Variants in KLRG1 observed in about 807,000 individuals in gnomAD.
The protein encoded by KLRG1 is killer cell lectin like receptor G1, also known as killer cell lectin-like receptor subfamily G member 1.
In KLRG1, 16 loss-of-function variants were observed where a neutral mutation model predicts 21.8. The observed-to-expected ratio is 0.73, with a 90% CI of 0.50 to 1.11. The LOEUF is 1.11. Ranked by LOEUF, KLRG1 falls within the 50% of genes most tolerant of loss-of-function variation. The probability of loss-of-function intolerance (pLI) is 0.00; values close to 1 mark genes in which losing one functional copy is unlikely to be tolerated. For missense variants in KLRG1, 173 were observed against 218.3 expected, an observed-to-expected ratio of 0.79 and a Z score of 1.31; for synonymous variants, 69 against 75.9, an observed-to-expected ratio of 0.91 and a Z score of 0.47.
chr12:9,208,258 C>T, the KLRG1 span: 105 of 1,610,936 alleles, frequency 6.5e-5, no homozygotes, highest in African/African-American at 8.7e-4. Context: ...GTGAGACTTA[C>T]GGTTCTGTAG....
At chr12:8,971,925 T>C (rs1401231487) in intron 1 of KLRG1, among the ~76,000 whole-genome samples, 1 of 152,238 alleles carries the variant, frequency 6.6e-6, no homozygotes, top group Non-Finnish European at 1.5e-5. Context: ...AGATATATGG[T>C]TTACAAATAT....
the KLRG1 span, among the ~76,000 whole-genome samples, chr12:9,070,016 A>T: frequency 6.6e-6 from 1 of 152,232 alleles, no homozygotes; most frequent in African/African-American, 2.4e-5. Flanking sequence ...TAATGTGTAA[A>T]GTTATTTATC....
the KLRG1 span, chr12:9,127,880 C>G: frequency 3.5e-6 from 1 of 284,134 alleles, no homozygotes; most frequent in Non-Finnish European, 7.1e-6. Flanking sequence ...GCAATTACAG[C>G]CACTACTTCA....
the KLRG1 span, chr12:9,167,650 A>T: frequency 2.6e-5 from 4 of 152,162 alleles, no homozygotes; most frequent in African/African-American, 9.7e-5. Flanking sequence ...CAGTTTTCTT[A>T]GCTCTTTTAT....
the KLRG1 span, among the ~76,000 whole-genome samples, chr12:9,021,660 T>C: frequency 6.6e-6 from 1 of 152,134 alleles, no homozygotes; most frequent in African/African-American, 2.4e-5. Flanking sequence ...ATCCTTATTC[T>C]ATAAGCTTTT....
chr12:9,196,274 C>CTG, the KLRG1 span: 1 of 1,239,260 alleles, frequency 8.1e-7, no homozygotes, highest in East Asian at 2.3e-5. Context: ...TCATTGTGTC[C>CTG]TGTGCTTAGG....
chr12:9,017,337 C>G, the KLRG1 span, among the ~76,000 whole-genome samples: 1 of 150,944 alleles, frequency 6.6e-6, no homozygotes, highest in Admixed American at 6.6e-5. Flanking sequence ...GTAAATATCC[C>G]TGATAGACAT....
the KLRG1 span, chr12:9,089,318 G>A: frequency 5.4e-6 from 6 of 1,118,854 alleles, no homozygotes; most frequent in Non-Finnish European, 5.3e-6. Context: ...TTTAATGGAG[G>A]GACCACAGAT....
At chr12:9,160,580 T>A in the KLRG1 span, 1 of 1,186,280 alleles carries the variant, frequency 8.4e-7, no homozygotes, top group Non-Finnish European at 1.2e-6. Flanking sequence ...ATTCAGAGTC[T>A]ATCATTTAGG....
chr12:9,004,202 C>T (rs1289467220), intron 3 of KLRG1, among the ~76,000 whole-genome samples: 1 of 152,144 alleles, frequency 6.6e-6, no homozygotes, highest in South Asian at 2.1e-4. Flanking sequence ...GATTTATAGT[C>T]CTTTGGGAAT....
At chr12:9,171,264 T>A in the KLRG1 span, among the ~76,000 whole-genome samples, 2 of 152,032 alleles carry the variant, frequency 1.3e-5, no homozygotes, top group African/African-American at 4.8e-5. Context: ...AGCCCTATGA[T>A]AGAGTGGCTT....
chr12:8,957,673 T>C (rs1360938899), intron 1 of KLRG1, among the ~76,000 whole-genome samples: 1 of 152,186 alleles, frequency 6.6e-6, no homozygotes, highest in Non-Finnish European at 1.5e-5. Context: ...TTAAGTAAAA[T>C]AAGAGTTACT....
chr12:8,975,782 G>A (rs1310530905), intron 1 of KLRG1, among the ~76,000 whole-genome samples: 2 of 152,020 alleles, frequency 1.3e-5, no homozygotes, highest in Non-Finnish European at 2.9e-5. Flanking sequence ...CACTGGTCTT[G>A]AACTCCTGAC....
the KLRG1 span, chr12:9,127,860 C>G: frequency 4.0e-6 from 1 of 253,152 alleles, no homozygotes; most frequent in East Asian, 1.4e-4. Context: ...GACTGGGCCC[C>G]GGGGCCCCGG....
At chr12:9,032,660 G>C in the KLRG1 span, among the ~76,000 whole-genome samples, 2 of 152,276 alleles carry the variant, frequency 1.3e-5, no homozygotes, top group African/African-American at 4.8e-5. Context: ...TGTTCTGGAG[G>C]TCACAAGATT....
At chr12:9,110,506 A>G in the KLRG1 span, among the ~76,000 whole-genome samples, 1 of 152,030 alleles carries the variant, frequency 6.6e-6, no homozygotes, top group African/African-American at 2.4e-5. Context: ...TCGTAACACA[A>G]AGAATAAATG....
the KLRG1 span, among the ~76,000 whole-genome samples, chr12:9,131,598 G>C: frequency 1.3e-5 from 2 of 151,902 alleles, no homozygotes; most frequent in Admixed American, 6.6e-5. Context: ...ATTCCACAAA[G>C]GATAAGATGT....
the KLRG1 span, chr12:9,089,297 A>C: frequency 7.3e-7 from 1 of 1,366,332 alleles, no homozygotes; most frequent in Non-Finnish European, 1.0e-6. Flanking sequence ...ACTGACCTTC[A>C]GAACATGTGT....
chr12:9,090,087 G>C, the KLRG1 span: 1 of 1,550,086 alleles, frequency 6.5e-7, no homozygotes, highest in Non-Finnish European at 8.7e-7. Context: ...CCAAACTCAA[G>C]ATTTAGAAAT....
Sources: gnomAD v4.1 joint callset for allele counts (sites outside exome capture counted in the v4.1 genomes callset) on GRCh38, gnomAD v4.1.1 for gene constraint, MANE v1.5 for transcripts, NCBI Gene and HGNC (gene_info 2026-07-23, HGNC 2026-07-21) for gene names.